The following STARD13 variants were observed in gnomAD, a reference collection of about 807,000 sequenced individuals.
STARD13 encodes the protein stAR-related lipid transfer protein 13.
In STARD13, 62 loss-of-function variants were observed where a neutral mutation model predicts 106.4. That is an observed-to-expected ratio of 0.58 (90% CI 0.48 to 0.72). The LOEUF (loss-of-function observed/expected upper bound fraction) is 0.72. Ranked by LOEUF, STARD13 falls within the 30% of genes least tolerant of loss-of-function variation. The pLI, the probability that STARD13 is intolerant of heterozygous loss-of-function variation, is 0.00. For synonymous variants in STARD13, 565 were observed against 553.0 expected, an observed-to-expected ratio of 1.02 and a Z score of -0.31; for missense variants, 1,387 against 1,424.0, an observed-to-expected ratio of 0.97 and a Z score of 0.42.
intron 1 of STARD13, among the ~76,000 whole-genome samples, chr13:33,269,976 C>T (rs1343085031): frequency 1.3e-5 from 2 of 152,218 alleles, no homozygotes; most frequent in Non-Finnish European, 2.9e-5. Context: ...TGGTTCACAC[C>T]TGAAATCCCC....
In STARD13 at chr13:33,129,367, T is replaced by C. The variant is rs577443798; in HGVS notation, c.1310A>G (p.Gln437Arg). The change falls in exon 5 of 14, where the codon CAG (glutamine) becomes CGG (arginine). Residue 437 changes from glutamine (Q) to arginine (R), a missense_variant. Transcript: ENST00000336934. ...RTGSISLGRE[Q>R]VPGAREPRLM... ...CCGGGGCTCCCTGGCACCAGGGACC[T>C]GCTCTCTGCCCAGGGAGATGCTACC... 1.9e-6 allele frequency: 3 copies of C among 1,614,186 alleles called. No individual in the cohort carries two copies. Among genetic ancestry groups the C allele is most frequent in the Non-Finnish European group, 2.5e-6 (3 of 1,180,028 alleles).
At chr13:33,658,003 C>T in the STARD13 span, among the ~76,000 whole-genome samples, 1 of 152,260 alleles carries the variant, frequency 6.6e-6, no homozygotes, top group Non-Finnish European at 1.5e-5. Flanking sequence ...CAACCATCAC[C>T]ATCAGCCATC....
At chr13:33,434,294 A>C in the STARD13 span, among the ~76,000 whole-genome samples, 1 of 148,802 alleles carries the variant, frequency 6.7e-6, no homozygotes, top group Non-Finnish European at 1.5e-5. Flanking sequence ...TGGAGGTTGC[A>C]GTGAACCTAG....
In STARD13 at chr13:33,109,754, G is replaced by A. The variant is rs560255738; in HGVS notation, c.3047+119C>T. On this transcript the variant is annotated intron_variant, in intron 12 of 13. Transcript: ENST00000336934. Reference sequence around the variant, plus strand: ...GATGTCACTGAGGGAAACAAGAGCCGGCTTAGTGTTCCCCGTGGAGGCTGG... The same window carrying A: ...GATGTCACTGAGGGAAACAAGAGCCAGCTTAGTGTTCCCCGTGGAGGCTGG... 75 of 878,644 alleles carry A rather than the reference G, an allele frequency of 8.5e-5. No homozygotes were observed. In the African/African-American group the frequency reaches 1.0e-3, roughly 12 times the overall value. 54.4% of individuals were successfully genotyped at this position (878,644 alleles called of 1,614,324 possible).
chr13:33,289,283 G>C (rs1892195511), upstream of STARD13, among the ~76,000 whole-genome samples: 1 of 152,214 alleles, frequency 6.6e-6, no homozygotes, highest in South Asian at 2.1e-4. Context: ...TATTTCAGGA[G>C]TGAGATAAAC....
the STARD13 span, among the ~76,000 whole-genome samples, chr13:33,374,018 A>T: frequency 6.6e-6 from 1 of 152,328 alleles, no homozygotes; most frequent in East Asian, 1.9e-4. Flanking sequence ...CACAAGAACC[A>T]AAATGTGGAA....
the STARD13 span, among the ~76,000 whole-genome samples, chr13:33,636,711 T>TGCC: frequency 2.6e-4 from 40 of 152,298 alleles, no homozygotes; most frequent in African/African-American, 9.4e-4. Context: ...AAACTATTTT[T>TGCC]AAAAAATGAG....
the STARD13 span, among the ~76,000 whole-genome samples, chr13:33,564,942 G>A: frequency 7.2e-6 from 1 of 139,656 alleles, no homozygotes; most frequent in Non-Finnish European, 1.5e-5. Flanking sequence ...GCAGTGAGCC[G>A]AGGTCACGCC....
chr13:33,275,392 G>C (rs1018420440), intron 1 of STARD13, among the ~76,000 whole-genome samples: 2 of 152,104 alleles, frequency 1.3e-5, no homozygotes, highest in Non-Finnish European at 2.9e-5. Flanking sequence ...GTCTTAAATT[G>C]AGCACTTAGT....
At chr13:33,296,671 T>A (rs1018762123) in intron 1 of STARD13, among the ~76,000 whole-genome samples, 1 of 152,074 alleles carries the variant, frequency 6.6e-6, no homozygotes, top group African/African-American at 2.4e-5. Flanking sequence ...CAGGCTGGAG[T>A]GCAATGGTAT....
At chr13:33,542,495 GA>G in the STARD13 span, among the ~76,000 whole-genome samples, 2 of 152,150 alleles carry the variant, frequency 1.3e-5, no homozygotes, top group Non-Finnish European at 2.9e-5. Flanking sequence ...TGCAAACATT[GA>G]AAAAGACGCA....
chr13:33,598,348 T>A, the STARD13 span, among the ~76,000 whole-genome samples: 1 of 152,204 alleles, frequency 6.6e-6, no homozygotes, highest in Non-Finnish European at 1.5e-5. Context: ...TGTTCTCAAC[T>A]GTCTCTGAAG....
the STARD13 span, among the ~76,000 whole-genome samples, chr13:33,605,076 C>G: frequency 3.3e-5 from 5 of 151,180 alleles, no homozygotes; most frequent in Non-Finnish European, 7.4e-5. Context: ...CTATCTCTAC[C>G]AAACATTAAA....
chr13:33,538,717 A>C, the STARD13 span, among the ~76,000 whole-genome samples: 1 of 152,096 alleles, frequency 6.6e-6, no homozygotes, highest in Non-Finnish European at 1.5e-5. Context: ...AAGATAATGG[A>C]AACAAGATCC....
chr13:33,422,535 T>C, the STARD13 span, among the ~76,000 whole-genome samples: 2 of 152,246 alleles, frequency 1.3e-5, no homozygotes, highest in Non-Finnish European at 2.9e-5. Flanking sequence ...AATTTATAGA[T>C]TCAATGCCAT....
intron 1 of STARD13, among the ~76,000 whole-genome samples, chr13:33,300,025 T>C (rs1402883650): frequency 6.6e-6 from 1 of 152,236 alleles, no homozygotes. Context: ...ATTTTTTAAA[T>C]GGCTCTAAAG....
chr13:33,650,844 C>G, the STARD13 span, among the ~76,000 whole-genome samples: 950 of 152,380 alleles, frequency 6.2e-3, 4 homozygotes, highest in Non-Finnish European at 9.3e-3. Context: ...CGCTTTCTGC[C>G]TTTCTACCAT....
At chr13:33,282,764 C>T (rs1408211106) in intron 1 of STARD13, among the ~76,000 whole-genome samples, 1 of 152,140 alleles carries the variant, frequency 6.6e-6, no homozygotes. Context: ...CAATGGCTCA[C>T]ATTTGTAATC....
chr13:33,509,915 C>T, the STARD13 span, among the ~76,000 whole-genome samples: 44,003 of 152,070 alleles, frequency 0.29, 7,160 homozygotes, highest in Middle Eastern at 0.37. Flanking sequence ...CTGTGCAGGA[C>T]AATAGGAAAG....
Sources: gnomAD v4.1 joint callset for allele counts (sites outside exome capture counted in the v4.1 genomes callset) on GRCh38, gnomAD v4.1.1 for gene constraint, MANE v1.5 for transcripts, NCBI Gene and HGNC (gene_info 2026-07-23, HGNC 2026-07-21) for gene names.